Variants in GRK3 observed in about 807,000 individuals in gnomAD.
GRK3 encodes the protein G protein-coupled receptor kinase 3.
A neutral mutation model predicts 95.7 loss-of-function variants in GRK3; 54 were observed. The ratio of observed to expected loss-of-function variants is 0.56; its 90% confidence interval spans 0.45 to 0.71. The LOEUF (loss-of-function observed/expected upper bound fraction) is 0.71, where lower values mean the gene tolerates loss of function less well. Ranked by LOEUF, GRK3 falls within the 30% of genes least tolerant of loss-of-function variation. The pLI is 0.00. For missense variants in GRK3, 649 were observed against 851.2 expected, an observed-to-expected ratio of 0.76 and a Z score of 2.96; for synonymous variants, 281 against 290.8, an observed-to-expected ratio of 0.97 and a Z score of 0.34.
intron 1 of GRK3, among the ~76,000 whole-genome samples, chr22:25,598,338 A>G (rs926211256): frequency 6.6e-6 from 1 of 152,122 alleles, no homozygotes. Flanking sequence ...AGAGGAAAAC[A>G]GGAACAAAAT....
chr22:25,660,559 T>TC (rs2084903054), intron 3 of GRK3, among the ~76,000 whole-genome samples: 1 of 152,174 alleles, frequency 6.6e-6, no homozygotes, highest in Non-Finnish European at 1.5e-5. Flanking sequence ...GTACCCTTTT[T>TC]CCCTCACCTG....
At position 25,727,746 on chromosome 22, in the gene GRK3, T is replaced by G. The variant is rs2146485488; in HGVS notation, c.*5296T>G. 6.6e-6 allele frequency: 1 copy of G among 152,342 alleles called. No homozygotes were observed. The highest frequency in any genetic ancestry group is 1.5e-5 in the Non-Finnish European group (1 of 68,028). The allele number at this position is 152,342 out of a possible 1,614,324, so 9.4% of individuals were successfully genotyped here. A position where few individuals can be genotyped will look rare whatever the true frequency, so the allele number is the denominator to read the frequency against. On this transcript the variant is annotated 3_prime_UTR_variant, in exon 21 of 21. Transcript: ENST00000324198. ...TCCATTTTTAATTTTGTCCTAAATA[T>G]CAGATGTCTTTGATGTAAGGGTAGG... is the stretch of plus-strand genomic sequence containing the variant.
At chr22:25,624,578 A>G (rs2084613178) in intron 2 of GRK3, among the ~76,000 whole-genome samples, 1 of 151,748 alleles carries the variant, frequency 6.6e-6, no homozygotes, top group Non-Finnish European at 1.5e-5. Context: ...AACAAAAACA[A>G]AAACAAAAAA....
intron 1 of GRK3, among the ~76,000 whole-genome samples, chr22:25,591,920 A>G (rs1390178177): frequency 1.3e-5 from 2 of 152,218 alleles, no homozygotes. Context: ...TTTGACCATC[A>G]CAGATAAAGC....
intron 3 of GRK3, among the ~76,000 whole-genome samples, chr22:25,661,151 T>C (rs919717458): frequency 7.9e-5 from 12 of 152,220 alleles, no homozygotes; most frequent in African/African-American, 2.9e-4. Context: ...TTTTCCTCCT[T>C]GTAGTTTTGG....
At chr22:25,664,815 G>A (rs1190927082) in intron 5 of GRK3, among the ~76,000 whole-genome samples, 6 of 152,108 alleles carry the variant, frequency 3.9e-5, no homozygotes, top group African/African-American at 4.8e-5. Context: ...CACCATGCCC[G>A]GCCAACTTTG....
intron 9 of GRK3, among the ~76,000 whole-genome samples, chr22:25,683,439 T>C (rs76641404): frequency 0.021 from 3,250 of 152,336 alleles, 50 homozygotes; most frequent in Middle Eastern, 0.068. Flanking sequence ...TCAGCCTTGG[T>C]AGATATCACC....
chr22:25,714,500 A>G lies in GRK3; in HGVS notation c.1584A>G (p.Ala528=). 6.2e-7 allele frequency: 1 copy of G among 1,614,004 alleles called. No individual in the cohort carries two copies. ...QQEVTETVYE[A]VNADTDKIEA... is the part of the protein sequence containing the mutation. Reference sequence around the variant, plus strand: ...AAGTAACGGAAACAGTTTATGAAGCAGTAAATGCAGACACAGATAAAATCG... The same window carrying G: ...AAGTAACGGAAACAGTTTATGAAGCGGTAAATGCAGACACAGATAAAATCG... Residue 528 remains alanine, a synonymous_variant, in exon 18 of 21, where the codon GCA becomes GCG. Transcript: ENST00000324198.
intron 3 of GRK3, among the ~76,000 whole-genome samples, chr22:25,647,020 C>CAAAAAAAA (rs1025786169): frequency 3.7e-5 from 2 of 53,970 alleles, no homozygotes; most frequent in African/African-American, 1.3e-4. Flanking sequence ...GACTTTGTCT[C>CAAAAAAAA]AAAAAAAAAA....
At chr22:25,622,679 A>T (rs377154036) in intron 2 of GRK3, among the ~76,000 whole-genome samples, 1 of 152,164 alleles carries the variant, frequency 6.6e-6, no homozygotes, top group Non-Finnish European at 1.5e-5. Flanking sequence ...ATGAAGAATG[A>T]ATTGCTGGGA....
rs369865218 is a variant in GRK3 at position 25,598,479 on chromosome 22, C to T, written c.114-5898C>T. On this transcript the variant is annotated intron_variant, in intron 1 of 20. Transcript: ENST00000324198. ...TTGAGCCCAGGAGTTCAAGACCAGC[C>T]TGGGCAACATGGTGAGACCCTGTCT... is the stretch of plus-strand genomic sequence containing the variant. Among the ~76,000 whole-genome samples, 8 of 151,944 alleles carry T rather than the reference C, an allele frequency of 5.3e-5. No individual in the cohort carries two copies. In the East Asian group the frequency reaches 1.6e-3, roughly 30 times the overall value.
intron 3 of GRK3, among the ~76,000 whole-genome samples, chr22:25,652,800 C>T (rs774358273): frequency 1.3e-5 from 2 of 151,966 alleles, no homozygotes; most frequent in South Asian, 2.1e-4. Context: ...GTAAAAGGTA[C>T]GTATATTCAA....
intron 2 of GRK3, among the ~76,000 whole-genome samples, chr22:25,634,721 G>C (rs754917585): frequency 1.4e-4 from 22 of 152,030 alleles, no homozygotes; most frequent in Non-Finnish European, 2.9e-4. Context: ...GTTTTTAAAT[G>C]GGTTGGAAAT....
chr22:25,672,998 A>G, intron 7 of GRK3, among the ~76,000 whole-genome samples: 1 of 147,302 alleles, frequency 6.8e-6, no homozygotes, highest in Non-Finnish European at 1.5e-5. Flanking sequence ...GGGCAAAACA[A>G]TCAACCGGAA....
Position 25,722,488 on chromosome 22 carries a change from C to T in GRK3, c.*38C>T. The stretch of plus-strand genomic sequence containing the variant: ...GGGAGGGTCCTCGAGGAGGACACAC[C>T]AGGGTCTCAGCCTTTTGGGGTGAAC... On this transcript the variant is annotated 3_prime_UTR_variant, in exon 21 of 21. Coordinates refer to ENST00000324198, the MANE Select transcript of GRK3 (RefSeq NM_005160.4). 1 of 1,605,650 alleles carries T rather than the reference C, an allele frequency of 6.2e-7. No homozygotes were observed. Among genetic ancestry groups the T allele is most frequent in the South Asian group, 1.1e-5 (1 of 90,750 alleles).
In GRK3 at chr22:25,703,440, A is replaced by T; in HGVS notation, c.1161-70A>T. 7.4e-6 allele frequency: 9 copies of T among 1,212,906 alleles called. 1 individual carries two copies. In the South Asian group the frequency reaches 1.2e-4, roughly 16 times the overall value. 75.1% of individuals were successfully genotyped at this position (1,212,906 alleles called of 1,614,324 possible). A position where few individuals can be genotyped will look rare whatever the true frequency, so the allele number is the denominator to read the frequency against. ...TGATAGGACATCATACTTTACCCAA[A>T]TATTAGTCAGTGATATGTTCTATAT... On this transcript the variant is annotated intron_variant, in intron 13 of 20. Coordinates refer to ENST00000324198, the MANE Select transcript of GRK3 (RefSeq NM_005160.4).
intron 1 of GRK3, among the ~76,000 whole-genome samples, chr22:25,574,075 A>G (rs1410834930): frequency 2.0e-5 from 3 of 152,170 alleles, no homozygotes; most frequent in Admixed American, 1.3e-4. Flanking sequence ...GTATTTGTGC[A>G]TTGTGTCATT....
At chr22:25,677,395 A>G (rs1456891362) in intron 8 of GRK3, among the ~76,000 whole-genome samples, 3 of 150,634 alleles carry the variant, frequency 2.0e-5, no homozygotes, top group East Asian at 1.9e-4. Context: ...AAAAAAAAAA[A>G]AAAAAAGAAA....
chr22:25,564,895 G>GGCGC lies in GRK3; in HGVS notation c.-138_-135dup, dbSNP rs1220424309. 1 of 141,038 alleles carries GGCGC rather than the reference G, an allele frequency of 7.1e-6. No homozygotes were observed. Among genetic ancestry groups the GGCGC allele is most frequent in the Non-Finnish European group, 1.6e-5 (1 of 64,174 alleles). 8.7% of individuals were successfully genotyped at this position (141,038 alleles called of 1,614,324 possible). On this transcript the variant is annotated 5_prime_UTR_variant, in exon 1 of 21. Coordinates refer to ENST00000324198, the MANE Select transcript of GRK3 (RefSeq NM_005160.4). ...CGCGCAGAGCGCTAGTGGGGCGCGC[G>GGCGC]GCGCGCGCGCGGGGCGGGGGCGCGC...
Sources: allele counts gnomAD v4.1 joint callset (sites outside exome capture counted in the v4.1 genomes callset), GRCh38; gene constraint gnomAD v4.1.1; transcripts MANE v1.5; gene names NCBI Gene and HGNC (gene_info 2026-07-23, HGNC 2026-07-21).